PCDH15: variants seen among roughly 807,000 people sequenced by gnomAD.
PCDH15 encodes the protein protocadherin related 15, also known as protocadherin-15.
In PCDH15, 129 loss-of-function variants were observed where a neutral mutation model predicts 178.5. The observed-to-expected ratio is 0.72, with a 90% CI of 0.63 to 0.84. The LOEUF (loss-of-function observed/expected upper bound fraction) is 0.84. Among genes scored for constraint, PCDH15 ranks in the 40% least tolerant of loss-of-function variants. PCDH15 has a pLI of 0.00. For synonymous variants in PCDH15, 800 were observed against 732.0 expected, an observed-to-expected ratio of 1.09 and a Z score of -1.50; for missense variants, 2,230 against 2,099.9, an observed-to-expected ratio of 1.06 and a Z score of -1.21.
At chr10:54,656,044 CA>C (rs2094399917) in intron 2 of PCDH15, 1 of 152,112 alleles carries the variant, frequency 6.6e-6, no homozygotes, top group African/African-American at 2.4e-5. Context: ...TGGATTTTGC[CA>C]TCTAACGAAA....
At chr10:55,507,243 T>C (rs890179601) in intron 2 of PCDH15, among the ~76,000 whole-genome samples, 1 of 151,640 alleles carries the variant, frequency 6.6e-6, no homozygotes, top group Non-Finnish European at 1.5e-5. Flanking sequence ...TTAATTTCTA[T>C]CACAATCATA....
rs190125207 is a variant in PCDH15, at chr10:54,059,399, T to C, written c.2220+7358A>G. On this transcript the variant is annotated intron_variant, in intron 18 of 37. Transcript: ENST00000644397. ...ATAACCCCAACAACAGACCCAGCTT[T>C]ACCCTATTTATCTTATATAACAATA... Among the ~76,000 whole-genome samples the C allele has an allele frequency of 3.9e-5, 6 of 152,350 alleles. No homozygotes were observed. The East Asian group carries it at 9.6e-4, about 24-fold the overall frequency.
chr10:53,919,949 C>G (rs1423549162), intron 25 of PCDH15, among the ~76,000 whole-genome samples: 1 of 152,088 alleles, frequency 6.6e-6, no homozygotes, highest in Non-Finnish European at 1.5e-5. Flanking sequence ...AAACCTACTT[C>G]TAAACTGCAT....
intron 8 of PCDH15, among the ~76,000 whole-genome samples, chr10:54,251,395 G>A (rs2056458283): frequency 1.3e-5 from 2 of 152,010 alleles, no homozygotes; most frequent in South Asian, 2.1e-4. Flanking sequence ...CTTTGTTATT[G>A]TACTTGCTTA....
chr10:54,369,574 C>T (rs1262890503), intron 4 of PCDH15, among the ~76,000 whole-genome samples: 2 of 151,838 alleles, frequency 1.3e-5, no homozygotes, highest in South Asian at 2.1e-4. Flanking sequence ...AAGTTTGCCC[C>T]TCCAAAGATT....
intron 2 of PCDH15, among the ~76,000 whole-genome samples, chr10:55,585,975 A>G (rs1842720310): frequency 6.6e-6 from 1 of 152,084 alleles, no homozygotes; most frequent in Admixed American, 6.6e-5. Context: ...TCTAAATGTA[A>G]AAGACTCTAT....
intron 26 of PCDH15, among the ~76,000 whole-genome samples, chr10:53,899,966 C>G (rs1275303030): frequency 6.9e-6 from 1 of 145,312 alleles, no homozygotes. Flanking sequence ...TTTTGGCTTA[C>G]TTAGTTTGTT....
chr10:53,841,578 C>T (rs1177594987), intron 28 of PCDH15, among the ~76,000 whole-genome samples: 1 of 152,178 alleles, frequency 6.6e-6, no homozygotes, highest in East Asian at 1.9e-4. Flanking sequence ...TCTACCAGTG[C>T]ATGCCAGGAG....
At chr10:55,360,829 A>G (rs779880798) in intron 2 of PCDH15, among the ~76,000 whole-genome samples, 1 of 151,998 alleles carries the variant, frequency 6.6e-6, no homozygotes, top group Non-Finnish European at 1.5e-5. Flanking sequence ...TAGAAATTCT[A>G]TATCTGTTAT....
chr10:55,420,275 G>A (rs1838588491), intron 2 of PCDH15, among the ~76,000 whole-genome samples: 1 of 142,732 alleles, frequency 7.0e-6, no homozygotes, highest in South Asian at 2.1e-4. Context: ...GATACTATAA[G>A]CGTTGGAATT....
At chr10:54,329,568 A>G (rs768813953) in intron 7 of PCDH15, 28 bp downstream of exon 7, 1 of 1,482,630 alleles carries the variant, frequency 6.7e-7, no homozygotes, top group South Asian at 1.1e-5. Context: ...AATTCACAGA[A>G]GAAATTTAAA....
At chr10:54,081,591 G>C (rs2094438006) in intron 16 of PCDH15, among the ~76,000 whole-genome samples, 1 of 152,058 alleles carries the variant, frequency 6.6e-6, no homozygotes, top group South Asian at 2.1e-4. Flanking sequence ...ATTCATAGCT[G>C]AAAGACTAGT....
chr10:55,059,212 G>C (rs1436692418), intron 2 of PCDH15, among the ~76,000 whole-genome samples: 1 of 152,094 alleles, frequency 6.6e-6, no homozygotes, highest in Non-Finnish European at 1.5e-5. Flanking sequence ...ATAAAAAAAG[G>C]AGGCCATAGT....
At chr10:54,426,559 T>C (rs970051071) in intron 3 of PCDH15, among the ~76,000 whole-genome samples, 9 of 152,186 alleles carry the variant, frequency 5.9e-5, no homozygotes, top group African/African-American at 1.9e-4. Flanking sequence ...GCCTGGGGGT[T>C]GGGACCCCTG....
chr10:55,057,884 A>G (rs10763177), intron 2 of PCDH15, among the ~76,000 whole-genome samples: 85,829 of 152,024 alleles, frequency 0.56, 24,661 homozygotes, highest in East Asian at 0.75. Flanking sequence ...TCTTTCATTT[A>G]TTAACATATA....
At chr10:55,019,190 G>A (rs182868783) in intron 2 of PCDH15, among the ~76,000 whole-genome samples, 6 of 147,940 alleles carry the variant, frequency 4.1e-5, no homozygotes, top group Admixed American at 2.7e-4. Context: ...TATTACAGAC[G>A]AATACATTTA....
intron 27 of PCDH15, among the ~76,000 whole-genome samples, 196 bp downstream of exon 27, chr10:53,866,446 A>AATATATATATATATATAT: frequency 6.9e-6 from 1 of 145,808 alleles, no homozygotes. Flanking sequence ...TGTTTTTGTA[A>AATATATATATATATATAT]ATATATATAT....
chr10:54,957,618 G>C (rs1838522752), intron 2 of PCDH15, among the ~76,000 whole-genome samples: 1 of 151,512 alleles, frequency 6.6e-6, no homozygotes, highest in Non-Finnish European at 1.5e-5. Flanking sequence ...CAGAGATCAA[G>C]CAGAATGGTA....
At chr10:54,226,237 T>C (rs1383187154) in intron 9 of PCDH15, among the ~76,000 whole-genome samples, 1 of 152,142 alleles carries the variant, frequency 6.6e-6, no homozygotes, top group East Asian at 1.9e-4. Flanking sequence ...ACTTCTTACA[T>C]GGATGGCAGC....
Sources: gnomAD v4.1 joint callset for allele counts (sites outside exome capture counted in the v4.1 genomes callset) on GRCh38, gnomAD v4.1.1 for gene constraint, MANE v1.5 for transcripts, NCBI Gene and HGNC (gene_info 2026-07-23, HGNC 2026-07-21) for gene names.